Variants in AP3D1 observed in about 807,000 individuals in gnomAD.
The protein encoded by AP3D1 is adaptor related protein complex 3 subunit delta 1, also known as AP-3 complex subunit delta-1.
In AP3D1, 51 loss-of-function variants were observed where a neutral mutation model predicts 147.6. The observed-to-expected ratio is 0.35, with a 90% confidence interval of 0.28 to 0.44. The LOEUF is 0.44. Ranked by LOEUF, AP3D1 falls within the 20% of genes least tolerant of loss-of-function variation. AP3D1 has a pLI of 1.00. For synonymous variants in AP3D1, 760 were observed against 663.0 expected, an observed-to-expected ratio of 1.15 and a Z score of -2.25; for missense variants, 1,421 against 1,624.2, an observed-to-expected ratio of 0.87 and a Z score of 2.15.
At chr19:2,106,196 G>A (rs1440691020) in intron 31 of AP3D1, among the ~76,000 whole-genome samples, 1 of 152,184 alleles carries the variant, frequency 6.6e-6, no homozygotes, top group African/African-American at 2.4e-5. Flanking sequence ...GGGGAAGACA[G>A]TCTGGCAGCT....
chr19:2,114,030 TCA>T, intron 22 of AP3D1, 93 bp downstream of exon 22: 10 of 1,470,354 alleles, frequency 6.8e-6, no homozygotes, highest in Non-Finnish European at 9.0e-6. Context: ...TGACTCAGAC[TCA>T]CAGCCATTTC....
intron 22 of AP3D1, 82 bp from the exon 23 acceptor site, chr19:2,113,495 C>T: frequency 1.2e-6 from 1 of 806,324 alleles, no homozygotes; most frequent in South Asian, 2.5e-5. Context: ...GCCAAGGAGG[C>T]CCCAGCTGCC....
At chr19:2,115,725 G>A in intron 18 of AP3D1, 112 bp from the exon 19 acceptor site, 1 of 1,172,602 alleles carries the variant, frequency 8.5e-7, no homozygotes, top group Non-Finnish European at 1.2e-6. Flanking sequence ...AAGGAGCTGG[G>A]GTCCTGCCAG....
At chr19:2,159,466 G>A (rs1294366766) in intron 1 of AP3D1, among the ~76,000 whole-genome samples, 1 of 148,648 alleles carries the variant, frequency 6.7e-6, no homozygotes, top group Non-Finnish European at 1.5e-5. Flanking sequence ...TCAGCTCACC[G>A]CAAGCTCCGC....
chr19:2,125,614 C>T (rs532096241), intron 9 of AP3D1, among the ~76,000 whole-genome samples: 7 of 152,146 alleles, frequency 4.6e-5, no homozygotes, highest in South Asian at 4.2e-4. Flanking sequence ...CCACCACGCC[C>T]GGCCAGGAGT....
At chr19:2,164,429 C>G (rs1323471085) in exon 1 of AP3D1, 1 of 444,888 alleles carries the variant, frequency 2.2e-6, no homozygotes, top group African/African-American at 2.1e-5. Flanking sequence ...CGGCCGAGGG[C>G]CCCGCGGCTG....
At chr19:2,115,679 G>A (rs987036855) in intron 18 of AP3D1, 66 bp from the exon 19 acceptor site, 15 of 1,518,522 alleles carry the variant, frequency 9.9e-6, no homozygotes, top group South Asian at 2.3e-5. Flanking sequence ...GACAAGCCTC[G>A]GGGATGCAGG....
intron 14 of AP3D1, among the ~76,000 whole-genome samples, chr19:2,120,322 G>A (rs1033520873): frequency 2.0e-4 from 31 of 152,198 alleles, no homozygotes; most frequent in Non-Finnish European, 4.0e-4. Context: ...TCCTGGAGAC[G>A]GCAGGGGCAG....
At chr19:2,144,856 T>C (rs1398328166) in intron 1 of AP3D1, among the ~76,000 whole-genome samples, 1 of 151,978 alleles carries the variant, frequency 6.6e-6, no homozygotes, top group African/African-American at 2.4e-5. Flanking sequence ...TGAGCCAAGA[T>C]CGCACCACTG....
intron 23 of AP3D1, 30 bp from the exon 24 acceptor site, chr19:2,112,997 C>T: frequency 6.4e-7 from 1 of 1,568,920 alleles, no homozygotes; most frequent in Non-Finnish European, 8.7e-7. Flanking sequence ...GGGGCTCATG[C>T]TGGGCAATGA....
At chr19:2,151,644 C>T (rs921603710), upstream of AP3D1, 1 of 153,304 alleles carries the variant, frequency 6.5e-6, no homozygotes, top group South Asian at 2.1e-4. Flanking sequence ...CCCGCCCCGC[C>T]ACCTCCCCGG....
chr19:2,141,590 C>T (rs888297075), intron 1 of AP3D1, among the ~76,000 whole-genome samples: 3 of 151,866 alleles, frequency 2.0e-5, no homozygotes, highest in South Asian at 2.1e-4. Flanking sequence ...TACAGGTACA[C>T]ACCACCACGC....
intron 31 of AP3D1, among the ~76,000 whole-genome samples, chr19:2,105,509 T>G (rs2018085256): frequency 6.6e-6 from 1 of 152,240 alleles, no homozygotes; most frequent in African/African-American, 2.4e-5. Context: ...GGCCCATCCA[T>G]TCGTTTCCCG....
intron 6 of AP3D1, 81 bp downstream of exon 6, chr19:2,130,327 C>A (rs1387326722): frequency 6.3e-7 from 1 of 1,589,974 alleles, no homozygotes; most frequent in Non-Finnish European, 8.6e-7. Context: ...GCAGCACCCC[C>A]CAAAACACGC....
At chr19:2,150,420 G>A (rs2019475172) in intron 1 of AP3D1, among the ~76,000 whole-genome samples, 1 of 152,212 alleles carries the variant, frequency 6.6e-6, no homozygotes. Context: ...TTGGGGGAAG[G>A]GAGGAGCGGG....
chr19:2,116,106 A>T, intron 18 of AP3D1, 101 bp downstream of exon 18: 1 of 1,203,044 alleles, frequency 8.3e-7, no homozygotes, highest in Admixed American at 1.9e-5. Context: ...CTCCATTCCC[A>T]GGATCTTCCT....
At chr19:2,105,265 C>A (rs996589316) in intron 31 of AP3D1, among the ~76,000 whole-genome samples, 1 of 152,190 alleles carries the variant, frequency 6.6e-6, no homozygotes. Context: ...ATAAACTGAC[C>A]CCAAAACTGG....
chr19:2,121,460 G>T, intron 12 of AP3D1, 149 bp from the exon 13 acceptor site: 1 of 1,148,188 alleles, frequency 8.7e-7, no homozygotes, highest in Non-Finnish European at 1.2e-6. Flanking sequence ...GCAGGCCCCT[G>T]CGATGTGGGC....
At chr19:2,110,638 CGG>C in intron 27 of AP3D1, 67 bp downstream of exon 27, 2 of 1,441,688 alleles carry the variant, frequency 1.4e-6, no homozygotes, top group Non-Finnish European at 1.9e-6. Flanking sequence ...CCAGCGGATC[CGG>C]GCAGTCACCA....
Sources: gnomAD v4.1 joint callset for allele counts (sites outside exome capture counted in the v4.1 genomes callset) on GRCh38, gnomAD v4.1.1 for gene constraint, MANE v1.5 for transcripts, NCBI Gene and HGNC (gene_info 2026-07-23, HGNC 2026-07-21) for gene names.